ELMO1: variants seen among roughly 807,000 people sequenced by gnomAD.
ELMO1 encodes engulfment and cell motility protein 1.
ELMO1 carries 26 observed loss-of-function variants against 98.9 expected under a neutral mutation model. The ratio of observed to expected loss-of-function variants is 0.26; its 90% confidence interval spans 0.19 to 0.36. ELMO1 has a LOEUF of 0.36. ELMO1 is among the 10% of genes least tolerant of loss of function. The pLI is 1.00. For missense variants in ELMO1, 627 were observed against 935.2 expected (o/e 0.67, Z 4.30); for synonymous variants, 346 against 346.0 (o/e 1.00, Z 0.00).
rs1479168474 is a variant in ELMO1 at position 37,331,355 on chromosome 7, T to TTTTTTTTTTTTTTTTTTC, written c.78+11257_78+11258insGAAAAAAAAAAAAAAAAA. On this transcript the variant is annotated intron_variant, in intron 2 of 21. Transcript: ENST00000310758. ...TGGCTTTTTTTTTTTTTTTTTTTTT[T>TTTTTTTTTTTTTTTTTTC]GGAATTTTAGTAGAGACAGGGTTTC... Among the ~76,000 whole-genome samples the TTTTTTTTTTTTTTTTTTC allele has an allele frequency of 1.9e-5, 2 of 105,668 alleles. 1 individual carries two copies. Among genetic ancestry groups the TTTTTTTTTTTTTTTTTTC allele is most frequent in the African/African-American group, 7.2e-5 (2 of 27,768 alleles). The allele number at this position is 105,668 out of a possible 152,430, so 69.3% of individuals were successfully genotyped here.
At chr7:37,018,128 A>AT (rs34247625) in intron 15 of ELMO1, among the ~76,000 whole-genome samples, 7,360 of 144,806 alleles carry the variant, frequency 0.051, 190 homozygotes, top group Middle Eastern at 0.08. Context: ...ATTAGTTACT[A>AT]TTTTTTTTTT....
intron 13 of ELMO1, among the ~76,000 whole-genome samples, chr7:37,192,967 GGAGAT>G (rs1791711483): frequency 1.2e-5 from 1 of 80,114 alleles, no homozygotes; most frequent in Non-Finnish European, 2.5e-5. Context: ...TATATATATA[GGAGAT>G]ATATATATAT....
chr7:36,861,555 C>T (rs1802629229), intron 21 of ELMO1, 104 bp downstream of exon 21: 1 of 1,356,784 alleles, frequency 7.4e-7, no homozygotes, highest in Non-Finnish European at 1.0e-6. Flanking sequence ...CTTGGTTCAT[C>T]ATTTTTTCAG....
chr7:36,864,477 C>A (rs1355387270), intron 20 of ELMO1, among the ~76,000 whole-genome samples: 1 of 152,180 alleles, frequency 6.6e-6, no homozygotes, highest in Non-Finnish European at 1.5e-5. Context: ...CTCTGAGCTG[C>A]ATGTCTGTGT....
At chr7:37,171,741 C>T (rs182394352) in intron 13 of ELMO1, among the ~76,000 whole-genome samples, 30 of 152,134 alleles carry the variant, frequency 2.0e-4, no homozygotes, top group African/African-American at 5.8e-4. Flanking sequence ...ATCTGCCCAC[C>T]TCGGCCTCCC....
At chr7:37,032,251 G>C (rs771163333) in intron 15 of ELMO1, among the ~76,000 whole-genome samples, 1 of 152,100 alleles carries the variant, frequency 6.6e-6, no homozygotes, top group Non-Finnish European at 1.5e-5. Context: ...TGGCACCTTT[G>C]AAAAACATCT....
At chr7:37,235,836 G>A (rs1188433209) in intron 7 of ELMO1, among the ~76,000 whole-genome samples, 1 of 152,174 alleles carries the variant, frequency 6.6e-6, no homozygotes, top group African/African-American at 2.4e-5. Flanking sequence ...TACTCAGAAG[G>A]CTGAACCCAG....
At chr7:37,374,737 C>A (rs556677635) in intron 1 of ELMO1, among the ~76,000 whole-genome samples, 11 of 150,844 alleles carry the variant, frequency 7.3e-5, no homozygotes, top group South Asian at 2.1e-4. Flanking sequence ...GGCAACAGAG[C>A]GAGACTCCAT....
intron 5 of ELMO1, among the ~76,000 whole-genome samples, chr7:37,265,204 A>T (rs150115029): frequency 2.0e-5 from 3 of 152,196 alleles, no homozygotes; most frequent in East Asian, 1.9e-4. Context: ...CTTCCTCCTG[A>T]TAGATGCTGT....
chr7:37,002,345 C>T (rs1210448327), intron 16 of ELMO1, among the ~76,000 whole-genome samples: 1 of 152,210 alleles, frequency 6.6e-6, no homozygotes, highest in Non-Finnish European at 1.5e-5. Flanking sequence ...TCACTTCACC[C>T]ATCATGAGGT....
chr7:37,264,514 A>G (rs1796146068), intron 5 of ELMO1, among the ~76,000 whole-genome samples: 1 of 152,154 alleles, frequency 6.6e-6, no homozygotes, highest in Non-Finnish European at 1.5e-5. Flanking sequence ...ATTTGGGAGG[A>G]AAGAGTCAAC....
chr7:37,306,225 T>C (rs1037015957), intron 4 of ELMO1, among the ~76,000 whole-genome samples: 9 of 152,216 alleles, frequency 5.9e-5, no homozygotes, highest in East Asian at 1.9e-4. Flanking sequence ...CCTGAAATAA[T>C]AGGAGGGAGA....
In ELMO1 at chr7:37,064,106, C is replaced by T. The variant is rs75388432; in HGVS notation, c.1300+32513G>A. ...CTGAAGTGTCTGCAAGAACACAGTC[C>T]CACCAGATGGCCTCACTACAGTCAG... On this transcript the variant is annotated intron_variant, in intron 15 of 21. Transcript: ENST00000310758. Among the ~76,000 whole-genome samples, 339 of 152,208 alleles carry T rather than the reference C, an allele frequency of 2.2e-3. 2 individuals carry two copies. The highest frequency in any genetic ancestry group is 7.8e-3 in the African/African-American group (325 of 41,528).
At chr7:36,876,478 T>C (rs936946909) in intron 19 of ELMO1, among the ~76,000 whole-genome samples, 1 of 152,064 alleles carries the variant, frequency 6.6e-6, no homozygotes, top group Non-Finnish European at 1.5e-5. Flanking sequence ...AAATTATTAG[T>C]GAAAGCCACA....
intron 1 of ELMO1, among the ~76,000 whole-genome samples, chr7:37,380,183 G>T (rs377495544): frequency 6.6e-6 from 1 of 152,056 alleles, no homozygotes. Context: ...CCTCTTCCTG[G>T]CTTGCAAACC....
At chr7:37,170,325 T>G (rs1272003596) in intron 13 of ELMO1, among the ~76,000 whole-genome samples, 1 of 152,264 alleles carries the variant, frequency 6.6e-6, no homozygotes, top group East Asian at 1.9e-4. Flanking sequence ...CATGTGTGAA[T>G]ATTTAAAAAT....
intron 8 of ELMO1, among the ~76,000 whole-genome samples, chr7:37,225,580 T>C (rs889484335): frequency 1.3e-5 from 2 of 152,126 alleles, no homozygotes; most frequent in African/African-American, 2.4e-5. Context: ...AAAAACTCGT[T>C]ACCCCTTTCT....
intron 13 of ELMO1, among the ~76,000 whole-genome samples, chr7:37,138,670 T>C (rs190434384): frequency 1.3e-5 from 2 of 152,308 alleles, no homozygotes; most frequent in African/African-American, 4.8e-5. Context: ...TACCAATCTA[T>C]TGACACTATT....
intron 15 of ELMO1, chr7:37,033,244 G>T: frequency 2.6e-6 from 1 of 381,868 alleles, no homozygotes; most frequent in South Asian, 1.9e-5. Context: ...GAGGAGCGCA[G>T]ACGGGCTAAG....
Sources: allele counts gnomAD v4.1 joint callset (sites outside exome capture counted in the v4.1 genomes callset), GRCh38; gene constraint gnomAD v4.1.1; transcripts MANE v1.5; gene names NCBI Gene and HGNC (gene_info 2026-07-23, HGNC 2026-07-21).